Variants in SPIC observed in about 807,000 individuals in gnomAD.
SPIC encodes transcription factor Spi-C.
Under a neutral mutation model 16.7 loss-of-function variants are expected in SPIC, and 9 were observed. The ratio of observed to expected loss-of-function variants is 0.54; its 90% CI spans 0.33 to 0.94. SPIC has a LOEUF of 0.94. SPIC is among the 40% of genes least tolerant of loss of function. The probability of loss-of-function intolerance (pLI) is 0.03; values close to 1 mark genes in which losing one functional copy is unlikely to be tolerated. For missense variants in SPIC, 241 were observed against 285.8 expected (o/e 0.84, Z 1.13); for synonymous variants, 97 against 102.9 (o/e 0.94, Z 0.35).
chr12:101,477,559 C>G lies in SPIC; in HGVS notation c.5C>G (p.Thr2Arg), dbSNP rs368241534. MTCVEQDKLGQA... is the reference protein window; with the variant it reads MRCVEQDKLGQA... ...AGAATTCTATCATTGTTCCAACAGA[C>G]GTGTGTTGAACAAGACAAGCTGGGT... The change falls in exon 3 of 6, where the codon ACG becomes AGG. Residue 2 changes from threonine to arginine, a missense_variant and splice_region_variant. Thr to Arg is a moderately conservative substitution (Grantham distance 71, BLOSUM62 -1). Transcript: ENST00000551346. 108 of 1,613,544 alleles carry G rather than the reference C, an allele frequency of 6.7e-5. No homozygotes were observed. The highest frequency in any genetic ancestry group is 8.9e-5 in the Non-Finnish European group (105 of 1,179,614).
intron 3 of SPIC, among the ~76,000 whole-genome samples, chr12:101,478,528 T>C (rs1873034604): frequency 6.6e-6 from 1 of 152,110 alleles, no homozygotes; most frequent in Admixed American, 6.5e-5. Flanking sequence ...GTCTCACATA[T>C]AAAAATGCAG....
chr12:101,482,985 G>A, intron 5 of SPIC, 85 bp downstream of exon 5: 1 of 1,260,766 alleles, frequency 7.9e-7, no homozygotes, highest in Non-Finnish European at 1.1e-6. Flanking sequence ...AACTGAGTTT[G>A]GAATTGAATT....
At position 101,477,641 on chromosome 12, in the gene SPIC, G is replaced by T. The variant is rs771393623; in HGVS notation, c.87G>T (p.Gln29His). Residue 29 changes from glutamine (Q) to histidine (H), a missense_variant, in exon 3 of 6, where the codon CAG (glutamine) becomes CAT (histidine). By Grantham distance (24) the Gln-to-His change is conservative. Coordinates refer to ENST00000551346, the MANE Select transcript of SPIC (RefSeq NM_152323.3). The stretch of plus-strand genomic sequence containing the variant: ...GGCAACATTCAACTGGAGATCTTCA[G>T]TACTCGCCAGGTAAAGATGAGTCAT... The part of the protein sequence containing the change: ...VLRQHSTGDL[Q>H]YSPDYRNYLA... 3.1e-6 allele frequency: 5 copies of T among 1,612,602 alleles called. No individual in the cohort carries two copies. Among genetic ancestry groups the T allele is most frequent in the Non-Finnish European group, 4.2e-6 (5 of 1,179,800 alleles).
intron 2 of SPIC, 26 bp downstream of exon 2, chr12:101,476,933 TTACTC>T (rs775232578): frequency 1.8e-5 from 26 of 1,445,438 alleles, no homozygotes; most frequent in African/African-American, 1.0e-4. Context: ...AATATTTTCT[TTACTC>T]TGTCCACAGA....
rs1872992075 is a variant in SPIC at position 101,477,486 on chromosome 12, C to T, written c.4-72C>T. Reference sequence around the variant, plus strand: ...GAGAAACCCTCCTTTAGACTAAATACTATTTTAAATCAGGGAGATTAAGTT... The same window carrying T: ...GAGAAACCCTCCTTTAGACTAAATATTATTTTAAATCAGGGAGATTAAGTT... On this transcript the variant is annotated intron_variant, in intron 2 of 5. Coordinates refer to ENST00000551346, the MANE Select transcript of SPIC (RefSeq NM_152323.3). The T allele has an allele frequency of 2.2e-6, 3 of 1,389,240 alleles. No homozygotes were observed. In the Admixed American group the frequency reaches 5.1e-5, roughly 24 times the overall value. The allele number at this position is 1,389,240 out of a possible 1,614,324, so 86.1% of individuals were successfully genotyped here. A position where few individuals can be genotyped will look rare whatever the true frequency, so the allele number is the denominator to read the frequency against.
chr12:101,479,610 C>T lies in SPIC; in HGVS notation c.126C>T (p.Asn42=), dbSNP rs776166380. 19 of 1,613,184 alleles carry T rather than the reference C, an allele frequency of 1.2e-5. No homozygotes were observed. The East Asian group carries it at 3.8e-4, about 32-fold the overall frequency. Residue 42 remains asparagine (N), a synonymous_variant, in exon 4 of 6, where the codon AAC becomes AAT. Transcript: ENST00000551346. The part of the protein sequence containing the change: ...PDYRNYLALI[N]HRPHVKGNSS... ...ACAGAAATTACCTGGCTTTAATCAA[C>T]CATCGTCCTCATGTCAAAGGAAATT...
At position 101,486,941 on chromosome 12, in the gene SPIC, A is replaced by C; in HGVS notation, c.*170A>C. The C allele has an allele frequency of 3.7e-6, 2 of 542,902 alleles. No individual in the cohort carries two copies. The highest frequency in any genetic ancestry group is 6.2e-6 in the Non-Finnish European group (2 of 323,578). The allele number at this position is 542,902 out of a possible 1,614,324, so 33.6% of individuals were successfully genotyped here. A position where few individuals can be genotyped will look rare whatever the true frequency, so the allele number is the denominator to read the frequency against. On this transcript the variant is annotated 3_prime_UTR_variant, in exon 6 of 6. Coordinates refer to ENST00000551346, the MANE Select transcript of SPIC (RefSeq NM_152323.3). The stretch of plus-strand genomic sequence containing the variant: ...TTTATTGTTGCTTTTATCAAAGAGT[A>C]TGTAATCTATACTAACTTGTTGGGA...
At chr12:101,477,262 G>C (rs1479949372) in intron 2 of SPIC, among the ~76,000 whole-genome samples, 2 of 152,112 alleles carry the variant, frequency 1.3e-5, no homozygotes, top group Non-Finnish European at 2.9e-5. Context: ...CTATAATGGA[G>C]TGTGTTTCAA....
At chr12:101,479,507 T>G in intron 3 of SPIC, 75 bp from the exon 4 acceptor site, 1 of 1,108,248 alleles carries the variant, frequency 9.0e-7, no homozygotes, top group Non-Finnish European at 1.3e-6. Flanking sequence ...TATAAGTGCA[T>G]ATATATACAC....
chr12:101,479,184 G>GAAAGAA (rs1873065303), intron 3 of SPIC, among the ~76,000 whole-genome samples: 9 of 96,664 alleles, frequency 9.3e-5, no homozygotes, highest in African/African-American at 3.8e-4. Flanking sequence ...AAGAAAGAAA[G>GAAAGAA]AAAGAAAGAA....
At chr12:101,483,772 A>G (rs1873281886) in intron 5 of SPIC, among the ~76,000 whole-genome samples, 1 of 151,698 alleles carries the variant, frequency 6.6e-6, no homozygotes, top group African/African-American at 2.4e-5. Flanking sequence ...CGTTTTTTGT[A>G]TTTTTAGTAG....
At position 101,476,904 on chromosome 12, in the gene SPIC, T is replaced by C. The variant is rs769798210; in HGVS notation, c.-1T>C. The C allele has an allele frequency of 1.2e-5, 17 of 1,454,764 alleles. No homozygotes were observed. Among genetic ancestry groups the C allele is most frequent in the South Asian group, 8.1e-5 (5 of 61,376 alleles). 90.1% of individuals were successfully genotyped at this position (1,454,764 alleles called of 1,614,324 possible). ...CAGAATTGTCAATTTATTAATGAAA[T>C]ATGGTAAGCTGACATTTTAATATTT... On this transcript the variant is annotated 5_prime_UTR_variant, in exon 2 of 6. Transcript: ENST00000551346.
chr12:101,475,857 G>A (rs906601808), intron 1 of SPIC, among the ~76,000 whole-genome samples: 1 of 152,086 alleles, frequency 6.6e-6, no homozygotes, highest in South Asian at 2.1e-4. Flanking sequence ...ACCATGAGCC[G>A]AAGAGTGATT....
At chr12:101,485,253 G>A (rs1020453723) in intron 5 of SPIC, among the ~76,000 whole-genome samples, 1 of 152,198 alleles carries the variant, frequency 6.6e-6, no homozygotes, top group South Asian at 2.1e-4. Context: ...GCAGAGCACA[G>A]TATTTACAGA....
At chr12:101,484,564 G>T (rs574343497) in intron 5 of SPIC, among the ~76,000 whole-genome samples, 5 of 146,786 alleles carry the variant, frequency 3.4e-5, no homozygotes, top group South Asian at 2.2e-4. Context: ...ATAAAATAAA[G>T]AAAATAAATA....
At chr12:101,485,970 A>G (rs1408846437) in intron 5 of SPIC, among the ~76,000 whole-genome samples, 1 of 152,020 alleles carries the variant, frequency 6.6e-6, no homozygotes, top group Non-Finnish European at 1.5e-5. Context: ...TGCCTGGCTA[A>G]TTTTTGTATT....
At chr12:101,481,825 G>A (rs1873207387) in intron 4 of SPIC, among the ~76,000 whole-genome samples, 1 of 150,496 alleles carries the variant, frequency 6.6e-6, no homozygotes, top group South Asian at 2.1e-4. Flanking sequence ...CAATTTTTTT[G>A]TACTTTTAGT....
At chr12:101,479,759 A>G in intron 4 of SPIC, 65 bp downstream of exon 4, 2 of 1,232,622 alleles carry the variant, frequency 1.6e-6, no homozygotes, top group East Asian at 2.4e-5. Flanking sequence ...TCCATTTCAC[A>G]TACACTGTCT....
At chr12:101,486,287 A>G in intron 5 of SPIC, 57 bp from the exon 6 acceptor site, 25 of 1,517,788 alleles carry the variant, frequency 1.6e-5, no homozygotes, top group Non-Finnish European at 2.2e-5. Context: ...ACCCTTTCTG[A>G]GGATGTTCTC....
Sources: allele counts gnomAD v4.1 joint callset (sites outside exome capture counted in the v4.1 genomes callset), GRCh38; gene constraint gnomAD v4.1.1; transcripts MANE v1.5; gene names NCBI Gene and HGNC (gene_info 2026-07-23, HGNC 2026-07-21).